The following MDFIC variants were observed in gnomAD, a reference collection of about 807,000 sequenced individuals.
The protein encoded by MDFIC is MyoD family inhibitor domain containing, also known as myoD family inhibitor domain-containing protein.
MDFIC carries 17 observed loss-of-function variants against 23.2 expected under a neutral mutation model. That is an observed-to-expected ratio of 0.73 (90% CI 0.50 to 1.10). The LOEUF (loss-of-function observed/expected upper bound fraction) is 1.10. MDFIC is among the 50% of genes least tolerant of loss of function. The pLI is 0.00. For missense variants in MDFIC, 356 were observed against 316.6 expected (o/e 1.12, Z -0.95); for synonymous variants, 120 against 115.2 (o/e 1.04, Z -0.27).
intron 3 of MDFIC, among the ~76,000 whole-genome samples, chr7:114,944,138 G>C (rs1230527250): frequency 1.3e-5 from 2 of 152,158 alleles, no homozygotes; most frequent in Non-Finnish European, 2.9e-5. Flanking sequence ...TCTTTATTGA[G>C]ATAATGACGT....
rs1792112490 is a variant in MDFIC at position 114,922,848 on chromosome 7, G to A, written c.-107-79G>A. 1.8e-5 allele frequency: 27 copies of A among 1,462,456 alleles called. 1 individual carries two copies. The South Asian group carries it at 3.3e-4, about 18-fold the overall frequency. The allele number at this position is 1,462,456 out of a possible 1,614,324, so 90.6% of individuals were successfully genotyped here. ...GGAGTTTGAGGGAGGGAAGTGGAGGGGGAGGGAACGTCCCGCAGGGGTGGT... is the reference window on the plus strand; with the variant it reads ...GGAGTTTGAGGGAGGGAAGTGGAGGAGGAGGGAACGTCCCGCAGGGGTGGT... On this transcript the variant is annotated intron_variant, in intron 1 of 4. Coordinates refer to ENST00000393486, the MANE Select transcript of MDFIC (RefSeq NM_001166345.3).
intron 3 of MDFIC, among the ~76,000 whole-genome samples, chr7:114,961,581 G>A (rs918952084): frequency 6.6e-6 from 1 of 152,126 alleles, no homozygotes; most frequent in Non-Finnish European, 1.5e-5. Flanking sequence ...AAGAAAAGAG[G>A]TATAGTTTTC....
chr7:114,995,212 A>T (rs901088449), intron 4 of MDFIC, among the ~76,000 whole-genome samples: 2 of 151,994 alleles, frequency 1.3e-5, no homozygotes, highest in African/African-American at 2.4e-5. Context: ...TCATTTAAGG[A>T]CTTCTCTATG....
At chr7:114,951,146 A>G (rs1384352565) in intron 3 of MDFIC, among the ~76,000 whole-genome samples, 4 of 152,192 alleles carry the variant, frequency 2.6e-5, no homozygotes, top group Admixed American at 2.0e-4. Context: ...TGATTGCATC[A>G]CTGCATTCCA....
At chr7:114,929,006 A>C (rs1253515966) in intron 2 of MDFIC, among the ~76,000 whole-genome samples, 2 of 152,164 alleles carry the variant, frequency 1.3e-5, no homozygotes, top group Non-Finnish European at 2.9e-5. Context: ...CCACATTTTG[A>C]TGAAATGATA....
At chr7:114,957,738 T>C (rs918690247) in intron 3 of MDFIC, among the ~76,000 whole-genome samples, 8 of 152,196 alleles carry the variant, frequency 5.3e-5, no homozygotes, top group Admixed American at 2.6e-4. Context: ...ACTAAGAAGA[T>C]TTATTAGGGG....
intron 4 of MDFIC, among the ~76,000 whole-genome samples, chr7:114,999,433 A>T (rs1022309708): frequency 2.9e-4 from 44 of 151,612 alleles, no homozygotes; most frequent in African/African-American, 6.3e-4. Context: ...GTTTTTTTTT[A>T]AAATTACATT....
chr7:114,951,068 C>T lies in MDFIC; in HGVS notation c.217+8671C>T, dbSNP rs964991880. ...AGGCATGGTGGTGCCTGCCTGTAGT[C>T]CCAGTTACTTGGGAGGCTGAGGTGG... On this transcript the variant is annotated intron_variant, in intron 3 of 4. Coordinates refer to ENST00000393486, the MANE Select transcript of MDFIC (RefSeq NM_001166345.3). Among the ~76,000 whole-genome samples, 7 of 152,286 alleles carry T rather than the reference C, an allele frequency of 4.6e-5. No homozygotes were observed. The East Asian group carries it at 1.3e-3, about 29-fold the overall frequency.
chr7:115,000,920 A>T (rs908496138), intron 4 of MDFIC, among the ~76,000 whole-genome samples: 20 of 152,128 alleles, frequency 1.3e-4, no homozygotes, highest in Non-Finnish European at 2.5e-4. Flanking sequence ...CATATTTTTT[A>T]GGGTTTTCAG....
In MDFIC at chr7:114,922,348, G is replaced by T; in HGVS notation, c.-396G>T. On this transcript the variant is annotated 5_prime_UTR_variant, in exon 1 of 5. In the 5' UTR this introduces an upstream ATG that the reference lacks. Coordinates refer to ENST00000393486, the MANE Select transcript of MDFIC (RefSeq NM_001166345.3). ...GTAGGAGTGGAAGAGGGGAAAGAGA[G>T]GCAGAGAGGGGGAAGGCCCCCTCGC... The T allele has an allele frequency of 8.7e-7, 1 of 1,151,194 alleles. No individual in the cohort carries two copies. The allele number at this position is 1,151,194 out of a possible 1,614,324, so 71.3% of individuals were successfully genotyped here.
At chr7:114,992,088 A>G (rs1380463419) in intron 4 of MDFIC, among the ~76,000 whole-genome samples, 2 of 152,202 alleles carry the variant, frequency 1.3e-5, no homozygotes, top group Non-Finnish European at 2.9e-5. Flanking sequence ...TTGGATTCCT[A>G]GGTATTTTCT....
chr7:114,948,674 G>A (rs1792699816), intron 3 of MDFIC, among the ~76,000 whole-genome samples: 1 of 151,574 alleles, frequency 6.6e-6, no homozygotes, highest in Non-Finnish European at 1.5e-5. Context: ...TCTAACAGAT[G>A]TGTGTAATCC....
At chr7:115,008,825 T>C (rs906773229) in intron 4 of MDFIC, among the ~76,000 whole-genome samples, 4 of 152,194 alleles carry the variant, frequency 2.6e-5, no homozygotes, top group Admixed American at 6.5e-5. Flanking sequence ...TGCTCTTTGA[T>C]TTTCCTATTG....
At chr7:114,956,793 T>C (rs567182924) in intron 3 of MDFIC, among the ~76,000 whole-genome samples, 1 of 152,272 alleles carries the variant, frequency 6.6e-6, no homozygotes, top group Non-Finnish European at 1.5e-5. Flanking sequence ...TATTAAGGTT[T>C]TTGATTGAAA....
At chr7:114,937,692 T>C (rs1792454259) in intron 2 of MDFIC, among the ~76,000 whole-genome samples, 1 of 152,186 alleles carries the variant, frequency 6.6e-6, no homozygotes, top group African/African-American at 2.4e-5. Context: ...GTGTGTTTGG[T>C]CTTCCCAGTG....
chr7:114,999,648 A>G (rs944860311), intron 4 of MDFIC, among the ~76,000 whole-genome samples: 1 of 152,048 alleles, frequency 6.6e-6, no homozygotes, highest in Non-Finnish European at 1.5e-5. Flanking sequence ...TAAAGTTGAC[A>G]TATTTCTTAA....
intron 3 of MDFIC, among the ~76,000 whole-genome samples, chr7:114,960,628 T>C (rs574052084): frequency 1.2e-3 from 178 of 152,298 alleles, no homozygotes; most frequent in Non-Finnish European, 1.8e-3. Flanking sequence ...TGCACAAGAA[T>C]ATTATAAGTA....
intron 3 of MDFIC, among the ~76,000 whole-genome samples, chr7:114,968,223 C>T (rs1793141346): frequency 6.6e-6 from 1 of 152,168 alleles, no homozygotes; most frequent in Non-Finnish European, 1.5e-5. Flanking sequence ...TTAAAATTAT[C>T]TTGCTACTTT....
chr7:115,012,823 C>CA (rs1275290823), intron 4 of MDFIC, among the ~76,000 whole-genome samples: 3 of 151,820 alleles, frequency 2.0e-5, no homozygotes, highest in African/African-American at 4.8e-5. Flanking sequence ...ACTAAAAATA[C>CA]AAAAAATTAA....
Sources: gnomAD v4.1 joint callset for allele counts (sites outside exome capture counted in the v4.1 genomes callset) on GRCh38, gnomAD v4.1.1 for gene constraint, MANE v1.5 for transcripts, NCBI Gene and HGNC (gene_info 2026-07-23, HGNC 2026-07-21) for gene names.